The following MPPE1 variants were observed in gnomAD, a reference collection of about 807,000 sequenced individuals.
The protein encoded by MPPE1 is metallo phosphoesterase.
A neutral mutation model predicts 43.8 loss-of-function variants in MPPE1; 28 were observed. The observed-to-expected ratio is 0.64, with a 90% CI of 0.47 to 0.88. The LOEUF (loss-of-function observed/expected upper bound fraction) is 0.88. MPPE1 is among the 40% of genes least tolerant of loss of function. The pLI is 0.00. For missense variants in MPPE1, 428 were observed against 492.2 expected (o/e 0.87, Z 1.23); for synonymous variants, 159 against 188.5 (o/e 0.84, Z 1.28).
chr18:11,886,882 C>T lies in MPPE1; in HGVS notation c.678+35G>A. 1 of 1,599,610 alleles carries T rather than the reference C, an allele frequency of 6.3e-7. No homozygotes were observed. Among genetic ancestry groups the T allele is most frequent in the Non-Finnish European group, 8.6e-7 (1 of 1,169,408 alleles). ...GCAACCGAAGCGGAGCAACACGGGA[C>T]AGAAGGCACCTGTGGCATTCAGATG... On this transcript the variant is annotated intron_variant, in intron 7 of 10. Coordinates refer to ENST00000588072, the MANE Select transcript of MPPE1 (RefSeq NM_023075.6). This position sits in a 1 kb window ranked among gnomAD's most constrained non-coding sequence, Gnocchi z 4.1.
At chr18:11,892,671 CAA>C (rs1223284738) in intron 4 of MPPE1, among the ~76,000 whole-genome samples, 16 of 116,244 alleles carry the variant, frequency 1.4e-4, no homozygotes, top group Admixed American at 1.8e-4. Context: ...AACTCCATCT[CAA>C]AAAAAAAAAA....
At chr18:11,905,436 C>T (rs2039623930) in intron 2 of MPPE1, 1 of 152,158 alleles carries the variant, frequency 6.6e-6, no homozygotes, top group African/African-American at 2.4e-5. Flanking sequence ...ATGTTATGGC[C>T]AAAACATGCC....
At chr18:11,885,981 T>C in intron 9 of MPPE1, 165 bp from the exon 10 acceptor site, 1 of 608,294 alleles carries the variant, frequency 1.6e-6, no homozygotes, top group Non-Finnish European at 2.5e-6. Flanking sequence ...TCCTTTGGTT[T>C]ATTTACACTA....
At chr18:11,896,537 AGAG>A (rs1400837511) in intron 3 of MPPE1, among the ~76,000 whole-genome samples, 1 of 152,174 alleles carries the variant, frequency 6.6e-6, no homozygotes, top group Admixed American at 6.5e-5. Flanking sequence ...TCTGCTGCCT[AGAG>A]GAGGCTGAAA....
At position 11,886,764 on chromosome 18, in the gene MPPE1, G is replaced by C; in HGVS notation, c.693C>G (p.Ser231Arg). ...GCAGCAGAGGCCCAGGTCCACACCG[G>C]CTGGAGCCACGTGCCTGCTGGGTAC... is the stretch of plus-strand genomic sequence containing the variant. ...LNCSREARGS[S>R]RCGPGPLLPT... Residue 231 changes from serine (S) to arginine (R), a missense_variant, in exon 8 of 11, where the codon AGC becomes AGG. Coordinates refer to ENST00000588072, the MANE Select transcript of MPPE1 (RefSeq NM_023075.6). This position sits in a 1 kb window ranked among gnomAD's most constrained non-coding sequence, Gnocchi z 4.1. The C allele has an allele frequency of 6.2e-7, 1 of 1,613,032 alleles. No homozygotes were observed. The highest frequency in any genetic ancestry group is 8.5e-7 in the Non-Finnish European group (1 of 1,179,812).
rs1023487158 is a variant in MPPE1 at position 11,883,512 on chromosome 18, A to G, written c.*933T>C. On this transcript the variant is annotated 3_prime_UTR_variant, in exon 11 of 11. Coordinates refer to ENST00000588072, the MANE Select transcript of MPPE1 (RefSeq NM_023075.6). ...ATTATTAAAGCATTTATTTTCAGGT[A>G]CCAAAAGCCATATCCCATTCCACTT... The G allele has an allele frequency of 1.3e-5, 2 of 153,674 alleles. No individual in the cohort carries two copies. Among genetic ancestry groups the G allele is most frequent in the African/African-American group, 2.4e-5 (1 of 41,466 alleles). 9.5% of individuals were successfully genotyped at this position (153,674 alleles called of 1,614,324 possible).
At chr18:11,895,670 T>C (rs2038518058) in intron 3 of MPPE1, among the ~76,000 whole-genome samples, 1 of 152,174 alleles carries the variant, frequency 6.6e-6, no homozygotes, top group South Asian at 2.1e-4. Flanking sequence ...TGCCTCAGCC[T>C]GCTGAGTCAC....
rs1027076021 is a variant in MPPE1, at chr18:11,884,284, A to G, written c.*161T>C. The G allele has an allele frequency of 2.1e-5, 14 of 680,746 alleles. No homozygotes were observed. The highest frequency in any genetic ancestry group is 4.2e-4 in the Middle Eastern group (1 of 2,398). 42.2% of individuals were successfully genotyped at this position (680,746 alleles called of 1,614,324 possible). On this transcript the variant is annotated 3_prime_UTR_variant, in exon 11 of 11. Transcript: ENST00000588072. ...ACTTTTATAGCATGAGAACAGTACA[A>G]TCAACTATTTATTTTGCAGTTACTC...
intron 4 of MPPE1, among the ~76,000 whole-genome samples, 167 bp from the exon 5 acceptor site, chr18:11,889,657 C>T (rs1399196050): frequency 6.6e-6 from 1 of 152,084 alleles, no homozygotes; most frequent in African/African-American, 2.4e-5. Context: ...CCATCTCCCA[C>T]ATTCAAGCGA....
chr18:11,900,751 CA>C (rs1368352219), intron 2 of MPPE1, among the ~76,000 whole-genome samples: 1 of 150,754 alleles, frequency 6.6e-6, no homozygotes, highest in Non-Finnish European at 1.5e-5. Flanking sequence ...ACTAAAAATA[CA>C]AAAAATTAGC....
intron 3 of MPPE1, among the ~76,000 whole-genome samples, chr18:11,894,700 T>C (rs117604851): frequency 0.053 from 8,097 of 152,112 alleles, 411 homozygotes; most frequent in African/African-American, 0.14. Flanking sequence ...AAATGATTCT[T>C]CCGCCTCAGC....
rs747355734 is a variant in MPPE1, at chr18:11,886,640, G to A, written c.745-19C>T. On this transcript the variant is annotated intron_variant, in intron 8 of 10. Coordinates refer to ENST00000588072, the MANE Select transcript of MPPE1 (RefSeq NM_023075.6). The surrounding 1 kb of genome is among the most constrained non-coding windows in gnomAD (Gnocchi z 4.1). Reference sequence around the variant, plus strand: ...GATAATGCTGTCCGGGGTGGAGAGAGGAGTTCAGGCGGCTATCGTGAAACC... The same window carrying A: ...GATAATGCTGTCCGGGGTGGAGAGAAGAGTTCAGGCGGCTATCGTGAAACC... 29 of 1,614,002 alleles carry A rather than the reference G, an allele frequency of 1.8e-5. No homozygotes were observed. Among genetic ancestry groups the A allele is most frequent in the Non-Finnish European group, 2.4e-5 (28 of 1,180,034 alleles).
chr18:11,887,059 G>T (rs748698413), intron 6 of MPPE1, 34 bp from the exon 7 acceptor site: 3 of 1,494,500 alleles, frequency 2.0e-6, no homozygotes, highest in African/African-American at 1.4e-5. Flanking sequence ...GAGGCCGCTG[G>T]GGGTATCAGT....
chr18:11,896,246 C>T (rs1035827239), intron 3 of MPPE1, among the ~76,000 whole-genome samples: 8 of 151,808 alleles, frequency 5.3e-5, no homozygotes, highest in African/African-American at 1.2e-4. Context: ...AGATTACAGG[C>T]GCCCGCCATC....
In MPPE1 at chr18:11,906,931, C is replaced by T. The variant is rs146266793; in HGVS notation, c.-199-622G>A. 1.3e-4 allele frequency among the ~76,000 whole-genome samples: 20 copies of T among 151,914 alleles called. No homozygotes were observed. The East Asian group carries it at 3.9e-3, about 29-fold the overall frequency. The stretch of plus-strand genomic sequence containing the variant: ...ATTTATTTATTTTTAGAGATAGGGT[C>T]TCACTCCACCGCCCATTGTAAATCA... On this transcript the variant is annotated intron_variant, in intron 1 of 10. Transcript: ENST00000588072.
intron 4 of MPPE1, 47 bp downstream of exon 4, chr18:11,893,421 G>T: frequency 7.5e-7 from 1 of 1,329,956 alleles, no homozygotes; most frequent in Non-Finnish European, 1.1e-6. Flanking sequence ...GGATACTTGT[G>T]CTGGACCTCA....
chr18:11,906,661 G>T (rs1263146273), intron 1 of MPPE1, among the ~76,000 whole-genome samples: 1 of 151,950 alleles, frequency 6.6e-6, no homozygotes, highest in African/African-American at 2.4e-5. Flanking sequence ...TTCAAGACCA[G>T]CCTGACCAAC....
rs1020081369 is a variant in MPPE1, at chr18:11,889,546, A to C, written c.391-56T>G. The C allele has an allele frequency of 2.0e-5, 26 of 1,330,142 alleles. No individual in the cohort carries two copies. In the East Asian group the frequency reaches 2.9e-4, roughly 15 times the overall value. The allele number at this position is 1,330,142 out of a possible 1,614,324, so 82.4% of individuals were successfully genotyped here. ...AGAGAACCATCTCTGCCCTGTGGCT[A>C]AAAAAACAGGATCCCTATTTTGTTT... On this transcript the variant is annotated intron_variant, in intron 4 of 10. Transcript: ENST00000588072.
intron 4 of MPPE1, among the ~76,000 whole-genome samples, chr18:11,890,336 T>A (rs1386151550): frequency 2.6e-5 from 4 of 152,068 alleles, no homozygotes; most frequent in Non-Finnish European, 5.9e-5. Context: ...TGAGACAGGG[T>A]CTCACTATGT....
Sources: allele counts gnomAD v4.1 joint callset (sites outside exome capture counted in the v4.1 genomes callset), GRCh38; gene constraint gnomAD v4.1.1; non-coding constraint Gnocchi (gnomAD v3.1); transcripts MANE v1.5; gene names NCBI Gene and HGNC (gene_info 2026-07-23, HGNC 2026-07-21).